TMC1: variants seen among roughly 807,000 people sequenced by gnomAD.
TMC1 encodes transmembrane channel like 1.
In TMC1, 84 loss-of-function variants were observed where a neutral mutation model predicts 105.8. The observed-to-expected ratio is 0.79, with a 90% CI of 0.67 to 0.95. The LOEUF (loss-of-function observed/expected upper bound fraction) is 0.95, where lower values mean the gene tolerates loss of function less well. Ranked by LOEUF, TMC1 falls within the 40% of genes least tolerant of loss-of-function variation. The pLI is 0.00. For synonymous variants in TMC1, 315 were observed against 311.5 expected, an observed-to-expected ratio of 1.01 and a Z score of -0.12; for missense variants, 817 against 914.1, an observed-to-expected ratio of 0.89 and a Z score of 1.37.
chr9:72,566,593 C>T (rs529286301), intron 1 of TMC1, among the ~76,000 whole-genome samples: 121 of 152,202 alleles, frequency 7.9e-4, no homozygotes, highest in African/African-American at 2.4e-3. Context: ...AATAATGCTG[C>T]GTTGTGAAAG....
intron 17 of TMC1, among the ~76,000 whole-genome samples, chr9:72,801,184 A>T (rs1828464269): frequency 6.6e-6 from 1 of 152,162 alleles, no homozygotes; most frequent in African/African-American, 2.4e-5. Flanking sequence ...ATTCCCAAGC[A>T]ATCATTTAGT....
intron 5 of TMC1, among the ~76,000 whole-genome samples, chr9:72,670,991 C>A (rs142233462): frequency 6.6e-6 from 1 of 152,290 alleles, no homozygotes; most frequent in Non-Finnish European, 1.5e-5. Context: ...ATCCTGGGTT[C>A]ACAGCTGAGG....
intron 18 of TMC1, among the ~76,000 whole-genome samples, chr9:72,814,212 C>G (rs1213713808): frequency 6.6e-6 from 1 of 152,112 alleles, no homozygotes; most frequent in Non-Finnish European, 1.5e-5. Context: ...AAAGGCTGTT[C>G]CAAGGCAACA....
chr9:72,611,969 G>A (rs1825033671), intron 2 of TMC1, among the ~76,000 whole-genome samples: 1 of 152,040 alleles, frequency 6.6e-6, no homozygotes, highest in African/African-American at 2.4e-5. Flanking sequence ...TCTATGACCC[G>A]GGAGGCTGAC....
At chr9:72,669,691 CATT>C (rs886990448) in intron 5 of TMC1, among the ~76,000 whole-genome samples, 2 of 150,858 alleles carry the variant, frequency 1.3e-5, no homozygotes, top group African/African-American at 4.9e-5. Flanking sequence ...TCTCTTGACT[CATT>C]TTTTTTTTTC....
intron 2 of TMC1, among the ~76,000 whole-genome samples, chr9:72,578,883 CAG>C (rs1824431479): frequency 6.6e-6 from 1 of 152,160 alleles, no homozygotes; most frequent in Non-Finnish European, 1.5e-5. Context: ...TGGGGCATCT[CAG>C]AATCGTAAAC....
chr9:72,756,631 G>A (rs967294906), intron 12 of TMC1, among the ~76,000 whole-genome samples: 1 of 152,048 alleles, frequency 6.6e-6, no homozygotes, highest in African/African-American at 2.4e-5. Flanking sequence ...CTTCCAGTCT[G>A]CTTAATAAGA....
chr9:72,604,651 A>G (rs544861875), intron 2 of TMC1, among the ~76,000 whole-genome samples: 85 of 152,326 alleles, frequency 5.6e-4, no homozygotes, highest in Non-Finnish European at 9.6e-4. Flanking sequence ...GGCTATTCTC[A>G]ATGTCTGTAA....
intron 5 of TMC1, among the ~76,000 whole-genome samples, chr9:72,661,623 C>G (rs1458415157): frequency 6.6e-6 from 1 of 152,178 alleles, no homozygotes; most frequent in Non-Finnish European, 1.5e-5. Context: ...TGACTCATCT[C>G]CAAGTGCTTT....
intron 17 of TMC1, among the ~76,000 whole-genome samples, chr9:72,798,382 T>A (rs1365306046): frequency 6.6e-6 from 1 of 152,044 alleles, no homozygotes; most frequent in African/African-American, 2.4e-5. Flanking sequence ...CCCAGAGGTA[T>A]ATAAATCATA....
intron 1 of TMC1, among the ~76,000 whole-genome samples, chr9:72,562,019 A>C (rs1042478793): frequency 2.0e-5 from 3 of 152,186 alleles, no homozygotes; most frequent in Non-Finnish European, 4.4e-5. Flanking sequence ...AAAAAAAAAA[A>C]AAAATTAAAA....
At chr9:72,552,169 A>C (rs979093191) in intron 1 of TMC1, among the ~76,000 whole-genome samples, 3 of 152,090 alleles carry the variant, frequency 2.0e-5, no homozygotes, top group African/African-American at 7.2e-5. Flanking sequence ...TAATAACCCA[A>C]ATTTCTGCCA....
intron 8 of TMC1, among the ~76,000 whole-genome samples, chr9:72,725,435 C>T (rs1378173780): frequency 6.7e-6 from 1 of 148,270 alleles, no homozygotes; most frequent in Non-Finnish European, 1.5e-5. Flanking sequence ...TACATGATCA[C>T]AAGGTTCCAC....
chr9:72,586,412 A>C (rs1824554666), intron 2 of TMC1, among the ~76,000 whole-genome samples: 1 of 152,134 alleles, frequency 6.6e-6, no homozygotes, highest in African/African-American at 2.4e-5. Context: ...GAGAGCTTTG[A>C]TTTTCTAGTT....
chr9:72,707,582 C>A (rs1001670054), intron 8 of TMC1, among the ~76,000 whole-genome samples: 3 of 152,032 alleles, frequency 2.0e-5, no homozygotes, highest in Admixed American at 6.6e-5. Context: ...CTATTCATGA[C>A]CTTAGCCCAC....
Position 72,557,459 on chromosome 9 carries a change from T to C in TMC1, c.-427-20443T>C, listed in dbSNP as rs1283318271. Among the ~76,000 whole-genome samples, 3 of 152,222 alleles carry C rather than the reference T, an allele frequency of 2.0e-5. No individual in the cohort carries two copies. The East Asian group carries it at 5.8e-4, about 29-fold the overall frequency. On this transcript the variant is annotated intron_variant, in intron 1 of 23. Coordinates refer to ENST00000297784, the MANE Select transcript of TMC1 (RefSeq NM_138691.3). ...TATGATAATTGTTTCTCTACTGTTC[T>C]AAAAAACTTTCTGTTCTTTCCAAAT...
chr9:72,813,431 G>C (rs1828735636), intron 18 of TMC1, among the ~76,000 whole-genome samples: 1 of 152,140 alleles, frequency 6.6e-6, no homozygotes, highest in African/African-American at 2.4e-5. Flanking sequence ...GGTGTTTACA[G>C]AGAAGCAATT....
chr9:72,833,760 A>G (rs986447778), intron 23 of TMC1, among the ~76,000 whole-genome samples: 2 of 152,330 alleles, frequency 1.3e-5, no homozygotes, highest in South Asian at 2.1e-4. Context: ...GAGGTTTCCC[A>G]TGCCTTTTAG....
intron 1 of TMC1, among the ~76,000 whole-genome samples, chr9:72,566,351 C>T (rs1326809441): frequency 1.3e-5 from 2 of 152,168 alleles, no homozygotes; most frequent in East Asian, 1.9e-4. Context: ...CTCCCTCCAT[C>T]ATCCACTATC....
Sources: allele counts gnomAD v4.1 joint callset (sites outside exome capture counted in the v4.1 genomes callset), GRCh38; gene constraint gnomAD v4.1.1; transcripts MANE v1.5; gene names NCBI Gene and HGNC (gene_info 2026-07-23, HGNC 2026-07-21).